KCNIP4: variants seen among roughly 807,000 people sequenced by gnomAD.
KCNIP4 encodes the protein Kv channel-interacting protein 4.
KCNIP4 carries 12 observed loss-of-function variants against 34.0 expected under a neutral mutation model. That is an observed-to-expected ratio of 0.35 (90% confidence interval 0.23 to 0.57). The LOEUF is 0.57. Among genes scored for constraint, KCNIP4 ranks in the 20% least tolerant of loss-of-function variants. The pLI is 0.83. For synonymous variants in KCNIP4, 124 were observed against 102.2 expected (o/e 1.21, Z -1.29); for missense variants, 238 against 311.7 (o/e 0.76, Z 1.78).
chr4:21,155,896 A>C (rs1219129278), intron 1 of KCNIP4, among the ~76,000 whole-genome samples: 1 of 152,022 alleles, frequency 6.6e-6, no homozygotes, highest in African/African-American at 2.4e-5. Flanking sequence ...TTGCTTATCT[A>C]TCTATTATTT....
intron 1 of KCNIP4, among the ~76,000 whole-genome samples, chr4:21,486,900 G>A (rs2109849524): frequency 6.6e-6 from 1 of 151,488 alleles, no homozygotes; most frequent in East Asian, 1.9e-4. Flanking sequence ...CATCTCCTGG[G>A]CTCAAGTGAT....
At chr4:21,033,047 G>T (rs963773547) in intron 1 of KCNIP4, among the ~76,000 whole-genome samples, 13 of 152,074 alleles carry the variant, frequency 8.5e-5, no homozygotes, top group African/African-American at 3.1e-4. Context: ...ACAGTTAGGA[G>T]GCTTTCTTAG....
intron 1 of KCNIP4, among the ~76,000 whole-genome samples, chr4:21,827,710 T>C (rs1722753475): frequency 6.6e-6 from 1 of 152,018 alleles, no homozygotes; most frequent in Non-Finnish European, 1.5e-5. Context: ...TGGTTTTGAA[T>C]TTGGCACTTG....
intron 1 of KCNIP4, among the ~76,000 whole-genome samples, chr4:20,979,399 C>CT (rs762394597): frequency 0.16 from 21,015 of 133,270 alleles, 1,982 homozygotes; most frequent in African/African-American, 0.24. Flanking sequence ...CACTTTCTTT[C>CT]TTTTTTTTTT....
chr4:21,611,622 TGGTTTAA>T (rs1744162934), intron 1 of KCNIP4, among the ~76,000 whole-genome samples: 1 of 151,632 alleles, frequency 6.6e-6, no homozygotes, highest in Non-Finnish European at 1.5e-5. Context: ...TCTCTTCACC[TGGTTTAA>T]GGTTTTTTTG....
At chr4:21,843,680 C>T (rs922211863) in intron 1 of KCNIP4, 3 of 152,178 alleles carry the variant, frequency 2.0e-5, no homozygotes, top group East Asian at 1.9e-4. Context: ...TCCAATCACA[C>T]TCCATGCTGC....
chr4:20,967,743 C>T (rs957415721), intron 1 of KCNIP4, among the ~76,000 whole-genome samples: 1 of 152,168 alleles, frequency 6.6e-6, no homozygotes, highest in Non-Finnish European at 1.5e-5. Context: ...AAAGCTGAAA[C>T]TGGATCCCTT....
chr4:21,839,989 T>C (rs1008616909), intron 1 of KCNIP4, among the ~76,000 whole-genome samples: 7 of 152,006 alleles, frequency 4.6e-5, no homozygotes, highest in Admixed American at 2.0e-4. Flanking sequence ...GGATAGTTGG[T>C]AGTTTCCTAA....
chr4:21,878,661 G>A (rs7666663), intron 1 of KCNIP4, among the ~76,000 whole-genome samples: 147,785 of 152,284 alleles, frequency 0.97, 71,869 homozygotes, highest in East Asian at 1. Context: ...GTCACCCTTA[G>A]GGCAATTTCT....
intron 1 of KCNIP4, among the ~76,000 whole-genome samples, chr4:21,476,964 T>G (rs774092419): frequency 2.0e-5 from 3 of 152,154 alleles, no homozygotes; most frequent in Non-Finnish European, 4.4e-5. Flanking sequence ...TCCTAGGTGC[T>G]GAAGATGCAA....
At chr4:21,854,432 T>A (rs1724622391) in intron 1 of KCNIP4, among the ~76,000 whole-genome samples, 1 of 152,206 alleles carries the variant, frequency 6.6e-6, no homozygotes, top group Non-Finnish European at 1.5e-5. Flanking sequence ...TTTTTTTCCA[T>A]CAATGTTATA....
intron 1 of KCNIP4, among the ~76,000 whole-genome samples, chr4:20,913,641 CACT>C (rs1338603152): frequency 3.9e-5 from 6 of 152,310 alleles, no homozygotes; most frequent in African/African-American, 7.2e-5. Flanking sequence ...TCTCCAATTA[CACT>C]ACTGCAGCTC....
chr4:21,581,896 GT>G (rs1451824697), intron 1 of KCNIP4, among the ~76,000 whole-genome samples: 1 of 151,780 alleles, frequency 6.6e-6, no homozygotes, highest in East Asian at 1.9e-4. Context: ...CCATTAATGG[GT>G]CATGAACCCA....
chr4:20,971,454 A>C (rs2149677440), intron 1 of KCNIP4, among the ~76,000 whole-genome samples: 1 of 152,032 alleles, frequency 6.6e-6, no homozygotes, highest in African/African-American at 2.4e-5. Flanking sequence ...ACAATAAGAC[A>C]AATATCACAA....
chr4:21,300,639 C>G (rs1339963528), intron 1 of KCNIP4, among the ~76,000 whole-genome samples: 1 of 152,068 alleles, frequency 6.6e-6, no homozygotes, highest in Admixed American at 6.6e-5. Flanking sequence ...CCCCACACGT[C>G]AAATTCTAGA....
chr4:20,732,690 T>C lies in KCNIP4; in HGVS notation c.633A>G (p.Thr211=). 1.2e-6 allele frequency: 2 copies of C among 1,608,112 alleles called. No homozygotes were observed. Among genetic ancestry groups the C allele is most frequent in the Non-Finnish European group, 1.7e-6 (2 of 1,174,862 alleles). ...KEDAPRQHVE[T]FFQKMDKNKD... The stretch of plus-strand genomic sequence containing the variant: ...CTGTTTTAATTCCTACCTGAAAAAA[T>C]GTTTCAACGTGTTGTCTGGGAGCAT... The change falls in exon 7 of 9, where the codon ACA becomes ACG. Residue 211 remains threonine, a synonymous_variant. Coordinates refer to ENST00000382152, the MANE Select transcript of KCNIP4 (RefSeq NM_025221.6).
intron 1 of KCNIP4, among the ~76,000 whole-genome samples, chr4:21,226,263 GA>G (rs1758383732): frequency 8.8e-6 from 1 of 113,114 alleles, no homozygotes; most frequent in Non-Finnish European, 1.8e-5. Context: ...GGGAGGGAGG[GA>G]GGGAGGGCGG....
At chr4:21,618,866 C>T (rs1430260997) in intron 1 of KCNIP4, among the ~76,000 whole-genome samples, 1 of 151,876 alleles carries the variant, frequency 6.6e-6, no homozygotes, top group Non-Finnish European at 1.5e-5. Flanking sequence ...ATCACCTGAC[C>T]TCGTGATCCG....
intron 1 of KCNIP4, among the ~76,000 whole-genome samples, chr4:21,887,322 A>G (rs559795819): frequency 6.6e-6 from 1 of 152,132 alleles, no homozygotes; most frequent in South Asian, 2.1e-4. Flanking sequence ...AGTTGGCCAT[A>G]TTCTGGTTGT....
Sources: gnomAD v4.1 joint callset for allele counts (sites outside exome capture counted in the v4.1 genomes callset) on GRCh38, gnomAD v4.1.1 for gene constraint, MANE v1.5 for transcripts, NCBI Gene and HGNC (gene_info 2026-07-23, HGNC 2026-07-21) for gene names.